The following MYO3A variants were observed in gnomAD, a reference collection of about 807,000 sequenced individuals.
The protein encoded by MYO3A is myosin-IIIa.
In MYO3A, 180 loss-of-function variants were observed where a neutral mutation model predicts 192.7. The observed-to-expected ratio is 0.93, with a 90% CI of 0.83 to 1.06. The LOEUF (loss-of-function observed/expected upper bound fraction) is 1.06. Ranked by LOEUF, MYO3A falls within the 50% of genes least tolerant of loss-of-function variation. MYO3A has a pLI of 0.00. For missense variants in MYO3A, 1,896 were observed against 1,905.0 expected, an observed-to-expected ratio of 1.00 and a Z score of 0.09; for synonymous variants, 628 against 645.3, an observed-to-expected ratio of 0.97 and a Z score of 0.41.
At position 26,198,565 on chromosome 10, in the gene MYO3A, G is replaced by A. The variant is rs562580505; in HGVS notation, c.4546-2700G>A. ...ACTTCAACGTTTAGCTCCTTCATCC[G>A]TCTAAATAAAGAAATTGGTAGTGTA... On this transcript the variant is annotated intron_variant, in intron 32 of 34. Coordinates refer to ENST00000642920, the MANE Select transcript of MYO3A (RefSeq NM_017433.5). 3.5e-4 allele frequency among the ~76,000 whole-genome samples: 53 copies of A among 152,222 alleles called. No individual in the cohort carries two copies. The South Asian group carries it at 9.1e-3, about 26-fold the overall frequency.
chr10:26,089,386 G>A (rs372470234), intron 15 of MYO3A, among the ~76,000 whole-genome samples: 23 of 152,138 alleles, frequency 1.5e-4, no homozygotes, highest in African/African-American at 3.1e-4. Context: ...TGGATCACGC[G>A]GTCAGGAGAT....
chr10:26,133,458 C>G (rs1839658772), intron 20 of MYO3A, among the ~76,000 whole-genome samples: 1 of 152,232 alleles, frequency 6.6e-6, no homozygotes, highest in Non-Finnish European at 1.5e-5. Flanking sequence ...CTCTGTGTTC[C>G]TCATCCCTGC....
intron 15 of MYO3A, among the ~76,000 whole-genome samples, chr10:26,089,083 A>G (rs1836523108): frequency 6.6e-6 from 1 of 152,080 alleles, no homozygotes; most frequent in Non-Finnish European, 1.5e-5. Flanking sequence ...AGAATCTTTC[A>G]TTTTTCTTAT....
intron 10 of MYO3A, among the ~76,000 whole-genome samples, chr10:26,035,972 C>A (rs558526669): frequency 1.3e-5 from 2 of 151,704 alleles, no homozygotes; most frequent in Non-Finnish European, 2.9e-5. Context: ...CTCCGGCTGT[C>A]GCCCAGGCTG....
At chr10:26,132,472 G>C (rs1257110028) in intron 20 of MYO3A, among the ~76,000 whole-genome samples, 11 of 152,150 alleles carry the variant, frequency 7.2e-5, no homozygotes, top group Admixed American at 7.2e-4. Flanking sequence ...GGTCAATCCT[G>C]GGCATGACTT....
At chr10:26,141,376 T>C (rs532411389) in intron 20 of MYO3A, among the ~76,000 whole-genome samples, 1 of 152,336 alleles carries the variant, frequency 6.6e-6, no homozygotes, top group South Asian at 2.1e-4. Flanking sequence ...AATTTTGCTA[T>C]AAGTATTTTA....
intron 1 of MYO3A, among the ~76,000 whole-genome samples, chr10:25,935,266 A>C (rs1473600179): frequency 6.6e-6 from 1 of 152,198 alleles, no homozygotes; most frequent in Non-Finnish European, 1.5e-5. Flanking sequence ...GCTCACCAAC[A>C]GCTCTGTTCT....
chr10:26,187,814 T>C lies in MYO3A; in HGVS notation c.4439-5391T>C, dbSNP rs139771326. ...CCTTCATCCATGTCCCTACAAAGGA[T>C]ATGAACTCATCATTTTTTGTGGCTG... On this transcript the variant is annotated intron_variant, in intron 31 of 34. Transcript: ENST00000642920. Among the ~76,000 whole-genome samples the C allele has an allele frequency of 1.9e-3, 285 of 152,182 alleles. 1 individual carries two copies. The highest frequency in any genetic ancestry group is 6.5e-3 in the African/African-American group (271 of 41,520).
chr10:25,971,869 G>GTCTC (rs1394941405), intron 4 of MYO3A, among the ~76,000 whole-genome samples: 2 of 152,090 alleles, frequency 1.3e-5, no homozygotes, highest in Non-Finnish European at 2.9e-5. Flanking sequence ...TGGAGACAGA[G>GTCTC]TCTCACTCTG....
At chr10:25,974,063 A>G (rs1220862123) in intron 4 of MYO3A, among the ~76,000 whole-genome samples, 1 of 152,216 alleles carries the variant, frequency 6.6e-6, no homozygotes, top group Non-Finnish European at 1.5e-5. Context: ...ACCAAAAGCA[A>G]TTGCAACAAA....
intron 5 of MYO3A, among the ~76,000 whole-genome samples, chr10:25,996,813 G>A (rs533885789): frequency 6.6e-6 from 1 of 152,190 alleles, no homozygotes; most frequent in Non-Finnish European, 1.5e-5. Context: ...GACCTCTTAA[G>A]TGTATTTCTG....
intron 10 of MYO3A, among the ~76,000 whole-genome samples, chr10:26,064,989 G>A (rs1046982742): frequency 6.6e-6 from 1 of 152,268 alleles, no homozygotes; most frequent in Middle Eastern, 3.4e-3. Flanking sequence ...ATAAGGAAGT[G>A]AATGTAGAGA....
chr10:25,975,987 A>G (rs1243350843), intron 4 of MYO3A, among the ~76,000 whole-genome samples: 4 of 152,246 alleles, frequency 2.6e-5, no homozygotes, highest in Non-Finnish European at 5.9e-5. Context: ...AAAACCATAT[A>G]AATGAAATAT....
chr10:26,080,447 A>G (rs907268261), intron 14 of MYO3A, among the ~76,000 whole-genome samples: 1 of 150,176 alleles, frequency 6.7e-6, no homozygotes, highest in Non-Finnish European at 1.5e-5. Context: ...CATTTTTCAG[A>G]TTTCCTTGTA....
At chr10:26,002,528 G>A (rs1212022899) in intron 6 of MYO3A, among the ~76,000 whole-genome samples, 2 of 151,952 alleles carry the variant, frequency 1.3e-5, no homozygotes, top group African/African-American at 4.8e-5. Context: ...AGAGAGTGAT[G>A]GGGTAAGTGG....
At chr10:26,053,898 G>A (rs1844160542) in intron 10 of MYO3A, among the ~76,000 whole-genome samples, 1 of 152,084 alleles carries the variant, frequency 6.6e-6, no homozygotes, top group Non-Finnish European at 1.5e-5. Context: ...TTGGAGGGTG[G>A]GATTACGATG....
chr10:26,092,072 G>A (rs188974031), intron 15 of MYO3A, among the ~76,000 whole-genome samples: 1 of 152,362 alleles, frequency 6.6e-6, no homozygotes, highest in Non-Finnish European at 1.5e-5. Flanking sequence ...GGGGACTGAG[G>A]AGACTGCATA....
chr10:26,180,304 A>T (rs1842559972), intron 31 of MYO3A, among the ~76,000 whole-genome samples: 1 of 152,126 alleles, frequency 6.6e-6, no homozygotes. Context: ...AAAATCCAAC[A>T]CTCTGTACTG....
intron 17 of MYO3A, among the ~76,000 whole-genome samples, chr10:26,112,161 G>A (rs1173778356): frequency 6.6e-6 from 1 of 152,160 alleles, no homozygotes; most frequent in Non-Finnish European, 1.5e-5. Context: ...ATTTCAAACT[G>A]TATATTCCAA....
Sources: gnomAD v4.1 joint callset for allele counts (sites outside exome capture counted in the v4.1 genomes callset) on GRCh38, gnomAD v4.1.1 for gene constraint, MANE v1.5 for transcripts, NCBI Gene and HGNC (gene_info 2026-07-23, HGNC 2026-07-21) for gene names.